Variants in GAS7 observed in about 807,000 individuals in gnomAD.
The protein encoded by GAS7 is growth arrest specific 7, also known as growth arrest-specific protein 7.
In GAS7, 28 loss-of-function variants were observed where a neutral mutation model predicts 71.1. The ratio of observed to expected loss-of-function variants is 0.39; its 90% confidence interval spans 0.29 to 0.54. The LOEUF (loss-of-function observed/expected upper bound fraction) is 0.54, where lower values mean the gene tolerates loss of function less well. GAS7 is among the 20% of genes least tolerant of loss of function. The probability of loss-of-function intolerance (pLI) is 0.62; values close to 1 mark genes in which losing one functional copy is unlikely to be tolerated. For synonymous variants in GAS7, 258 were observed against 245.8 expected (o/e 1.05, Z -0.46); for missense variants, 436 against 627.8 (o/e 0.69, Z 3.27).
intron 5 of GAS7, among the ~76,000 whole-genome samples, chr17:9,952,502 C>T (rs2069062259): frequency 6.6e-6 from 1 of 152,204 alleles, no homozygotes; most frequent in Non-Finnish European, 1.5e-5. Flanking sequence ...AGCGATTCTC[C>T]TGCTTCAGCC....
intron 6 of GAS7, 22 bp from the exon 7 acceptor site, chr17:9,943,258 A>C: frequency 7.2e-7 from 1 of 1,389,110 alleles, no homozygotes; most frequent in Non-Finnish European, 1.0e-6. Context: ...GCAGAAGCAC[A>C]AGAGTTTAGG....
In GAS7 at chr17:9,926,969, T is replaced by C; in HGVS notation, c.886-200A>G. 3.4e-6 allele frequency: 2 copies of C among 587,372 alleles called. No homozygotes were observed. The highest frequency in any genetic ancestry group is 2.0e-5 in the South Asian group (1 of 49,266). The allele number at this position is 587,372 out of a possible 1,614,324, so 36.4% of individuals were successfully genotyped here. The stretch of plus-strand genomic sequence containing the variant: ...CTCAGCTTAGGCAGGTCACCTTAGC[T>C]CAGGAGGCCCCCACACACGTCTACA... On this transcript the variant is annotated intron_variant, in intron 9 of 13. Coordinates refer to ENST00000432992, the MANE Select transcript of GAS7 (RefSeq NM_201433.2). The surrounding 1 kb of genome is among the most constrained non-coding windows in gnomAD (Gnocchi z 5.0).
intron 9 of GAS7, among the ~76,000 whole-genome samples, chr17:9,933,554 G>A (rs1279210054): frequency 6.6e-6 from 1 of 152,184 alleles, no homozygotes; most frequent in Non-Finnish European, 1.5e-5. Flanking sequence ...TAAAAACGAA[G>A]GTAATAGGCC....
chr17:9,943,330 TG>T (rs1304790027), intron 6 of GAS7, 94 bp from the exon 7 acceptor site: 6 of 760,066 alleles, frequency 7.9e-6, no homozygotes, highest in African/African-American at 6.9e-5. Context: ...TAGATGTGCC[TG>T]GCAATCCCAG....
intron 1 of GAS7, among the ~76,000 whole-genome samples, chr17:10,021,516 C>G (rs1228050020): frequency 6.6e-6 from 1 of 152,236 alleles, no homozygotes; most frequent in African/African-American, 2.4e-5. Flanking sequence ...AATGCATTTT[C>G]ACAACTTAAT....
At chr17:9,931,522 T>C (rs1463481198) in intron 9 of GAS7, among the ~76,000 whole-genome samples, 1 of 152,138 alleles carries the variant, frequency 6.6e-6, no homozygotes, top group Non-Finnish European at 1.5e-5. Flanking sequence ...TGGAAGTTTC[T>C]ACCACAGCAG....
At position 9,974,448 on chromosome 17, in the gene GAS7, G is replaced by A. The variant is rs574882204; in HGVS notation, c.386-4686C>T. ...TGCTTCTGGGGCCTCCAGCCTCTGG[G>A]GGAAGAAAAATGAAATTGGTCAAGG... On this transcript the variant is annotated intron_variant, in intron 3 of 13. Coordinates refer to ENST00000432992, the MANE Select transcript of GAS7 (RefSeq NM_201433.2). This position sits in a 1 kb window ranked among gnomAD's most constrained non-coding sequence, Gnocchi z 4.0. Among the ~76,000 whole-genome samples, 19 of 149,598 alleles carry A rather than the reference G, an allele frequency of 1.3e-4. No individual in the cohort carries two copies. The East Asian group carries it at 3.5e-3, about 27-fold the overall frequency.
intron 1 of GAS7, among the ~76,000 whole-genome samples, chr17:10,144,759 G>A (rs1035095812): frequency 6.6e-6 from 1 of 151,970 alleles, no homozygotes; most frequent in African/African-American, 2.4e-5. Flanking sequence ...TGTTGCCCAG[G>A]CTGTTCTTGA....
At chr17:10,180,274 G>A (rs572331890) in intron 1 of GAS7, among the ~76,000 whole-genome samples, 1 of 147,110 alleles carries the variant, frequency 6.8e-6, no homozygotes, top group East Asian at 2.1e-4. Flanking sequence ...CCGAGAGGCG[G>A]AGGTTGCAGT....
chr17:10,120,604 C>T (rs1371506777), intron 1 of GAS7, among the ~76,000 whole-genome samples: 1 of 152,108 alleles, frequency 6.6e-6, no homozygotes, highest in Admixed American at 6.6e-5. Context: ...CCCAGCTACT[C>T]GGGGTGCTGA....
intron 1 of GAS7, among the ~76,000 whole-genome samples, chr17:10,134,094 G>T (rs543078561): frequency 5.3e-5 from 8 of 151,574 alleles, no homozygotes; most frequent in Non-Finnish European, 1.0e-4. Flanking sequence ...CCAGTGGCGC[G>T]ATCTCCGCTC....
At chr17:10,007,470 C>T (rs1227107209) in intron 2 of GAS7, among the ~76,000 whole-genome samples, 1 of 151,548 alleles carries the variant, frequency 6.6e-6, no homozygotes, top group Non-Finnish European at 1.5e-5. Context: ...ACTAAAAATA[C>T]AAAATTAGCC....
chr17:10,051,544 A>G (rs2073062880), intron 1 of GAS7, among the ~76,000 whole-genome samples: 1 of 152,202 alleles, frequency 6.6e-6, no homozygotes, highest in African/African-American at 2.4e-5. Context: ...GCCATTAGAC[A>G]AAGAGAAAGC....
At chr17:10,188,664 A>G (rs988029677) in intron 1 of GAS7, among the ~76,000 whole-genome samples, 1 of 152,136 alleles carries the variant, frequency 6.6e-6, no homozygotes, top group Non-Finnish European at 1.5e-5. Flanking sequence ...TAAGAGACAG[A>G]GTCTCACGCT....
intron 1 of GAS7, among the ~76,000 whole-genome samples, chr17:10,070,512 C>A (rs537374412): frequency 1.3e-5 from 2 of 151,908 alleles, no homozygotes; most frequent in African/African-American, 4.8e-5. Flanking sequence ...TAAAGGCCTG[C>A]GCCACCATGC....
chr17:10,089,305 G>A (rs993137655), intron 1 of GAS7, among the ~76,000 whole-genome samples: 44 of 152,170 alleles, frequency 2.9e-4, no homozygotes, highest in Non-Finnish European at 5.6e-4. Flanking sequence ...AGGGTGAACT[G>A]GAGACCTCTT....
In GAS7 at chr17:10,046,230, G is replaced by A. The variant is rs77840447; in HGVS notation, c.184-26333C>T. Among the ~76,000 whole-genome samples the A allele has an allele frequency of 6.7e-3, 1,025 of 152,198 alleles. 14 individuals are homozygous for A. The highest frequency in any genetic ancestry group is 0.024 in the African/African-American group (984 of 41,526). On this transcript the variant is annotated intron_variant, in intron 1 of 13. Coordinates refer to ENST00000432992, the MANE Select transcript of GAS7 (RefSeq NM_201433.2). Reference sequence around the variant, plus strand: ...ACCCGGCGTGTGACTGAATCTCTGGGAGATTAAGGGCATGGCAAAAGGAGA... The same window carrying A: ...ACCCGGCGTGTGACTGAATCTCTGGAAGATTAAGGGCATGGCAAAAGGAGA...
intron 1 of GAS7, among the ~76,000 whole-genome samples, chr17:10,112,694 A>G (rs575988740): frequency 6.6e-6 from 1 of 151,806 alleles, no homozygotes; most frequent in South Asian, 2.1e-4. Flanking sequence ...AGCTGAGATC[A>G]TACCAGTGCA....
intron 2 of GAS7, among the ~76,000 whole-genome samples, chr17:9,999,165 C>T (rs1273607455): frequency 1.3e-5 from 2 of 152,154 alleles, no homozygotes; most frequent in East Asian, 1.9e-4. Flanking sequence ...TTCAATTGCT[C>T]GCATAACTAA....
Sources: allele counts gnomAD v4.1 joint callset (sites outside exome capture counted in the v4.1 genomes callset), GRCh38; gene constraint gnomAD v4.1.1; non-coding constraint Gnocchi (gnomAD v3.1); transcripts MANE v1.5; gene names NCBI Gene and HGNC (gene_info 2026-07-23, HGNC 2026-07-21).